The following FAM98B variants were observed in gnomAD, a reference collection of about 807,000 sequenced individuals.
The protein encoded by FAM98B is tRNA splicing ligase complex subunit 3B, also known as tRNA-splicing ligase complex subunit FAM98B.
A neutral mutation model predicts 43.9 loss-of-function variants in FAM98B; 32 were observed. The observed-to-expected ratio is 0.73, with a 90% CI of 0.55 to 0.98. The LOEUF is 0.98. Ranked by LOEUF, FAM98B falls within the 50% of genes least tolerant of loss-of-function variation. FAM98B has a pLI of 0.00. For missense variants in FAM98B, 514 were observed against 522.9 expected, an observed-to-expected ratio of 0.98 and a Z score of 0.17; for synonymous variants, 190 against 174.0, an observed-to-expected ratio of 1.09 and a Z score of -0.72.
At position 38,470,346 on chromosome 15, in the gene FAM98B, G is replaced by C. The variant is rs892699970; in HGVS notation, c.472G>C (p.Gly158Arg). ...QEVQAMFDTL[G>R]IPKSTTSDIP... Reference sequence around the variant, plus strand: ...AGTTCAAGCTATGTTTGATACACTTGGTATACCCAAGTCAACAACTTCTGA... The same window carrying C: ...AGTTCAAGCTATGTTTGATACACTTCGTATACCCAAGTCAACAACTTCTGA... The change falls in exon 4 of 8, where the codon GGT becomes CGT. Residue 158 changes from glycine (G) to arginine (R), a missense_variant. Transcript: ENST00000397609. The C allele has an allele frequency of 6.2e-6, 10 of 1,604,428 alleles. No individual in the cohort carries two copies. Among genetic ancestry groups the C allele is most frequent in the Non-Finnish European group, 8.5e-6 (10 of 1,177,356 alleles).
chr15:38,472,280 A>G lies in FAM98B; in HGVS notation c.532-1225A>G, dbSNP rs141848120. On this transcript the variant is annotated intron_variant, in intron 4 of 7. Coordinates refer to ENST00000397609, the MANE Select transcript of FAM98B (RefSeq NM_173611.4). Reference sequence around the variant, plus strand: ...AACTCATACTTTTTATAATGTATGAAAAAACCTAAAATTGGATATATTTAC... The same window carrying G: ...AACTCATACTTTTTATAATGTATGAGAAAACCTAAAATTGGATATATTTAC... Among the ~76,000 whole-genome samples, 676 of 152,252 alleles carry G rather than the reference A, an allele frequency of 4.4e-3. 3 individuals carry two copies. The highest frequency in any genetic ancestry group is 7.3e-3 in the Non-Finnish European group (494 of 67,954).
chr15:38,468,033 A>G (rs1273960827), intron 3 of FAM98B, among the ~76,000 whole-genome samples: 2 of 152,140 alleles, frequency 1.3e-5, no homozygotes, highest in Non-Finnish European at 2.9e-5. Flanking sequence ...GGGAAGGGGG[A>G]ATCTAAGGAT....
At chr15:38,479,404 TC>T (rs1398352461) in intron 6 of FAM98B, among the ~76,000 whole-genome samples, 1 of 152,178 alleles carries the variant, frequency 6.6e-6, no homozygotes, top group African/African-American at 2.4e-5. Flanking sequence ...TTCCCAATAT[TC>T]CCTACCTCCA....
At chr15:38,480,853 T>TA in intron 6 of FAM98B, among the ~76,000 whole-genome samples, 1 of 151,984 alleles carries the variant, frequency 6.6e-6, no homozygotes, top group East Asian at 1.9e-4. Flanking sequence ...AAAAACTATT[T>TA]ATATAGGATT....
At chr15:38,457,697 T>C (rs995880938) in intron 1 of FAM98B, among the ~76,000 whole-genome samples, 10 of 151,936 alleles carry the variant, frequency 6.6e-5, no homozygotes, top group Admixed American at 2.6e-4. Flanking sequence ...ATGGCAAGAA[T>C]AGAGGTGGAG....
At chr15:38,459,288 C>T (rs1162315389) in intron 1 of FAM98B, 1 of 496,348 alleles carries the variant, frequency 2.0e-6, no homozygotes, top group Admixed American at 2.0e-5. Flanking sequence ...AGACACGTCC[C>T]TGGGATCCGA....
rs2141054577 is a variant in FAM98B at position 38,465,313 on chromosome 15, T to C, written c.262T>C (p.Leu88=). The C allele has an allele frequency of 6.2e-7, 1 of 1,611,234 alleles. No individual in the cohort carries two copies. Among genetic ancestry groups the C allele is most frequent in the South Asian group, 1.1e-5 (1 of 90,342 alleles). ...CTTCCAGCTTGAGATAAGTGGCTTT[T>C]TAAAAGAAATGGCATGTCCATATTC... ...ESFQLEISGF[L]KEMACPYSVL... Residue 88 remains leucine (L), a synonymous_variant, in exon 3 of 8, where the codon TTA becomes CTA. Transcript: ENST00000397609.
chr15:38,484,238 A>C lies in FAM98B; in HGVS notation c.898-17A>C. On this transcript the variant is annotated splice_polypyrimidine_tract_variant and intron_variant, in intron 7 of 7. Transcript: ENST00000397609. Reference sequence around the variant, plus strand: ...TTTGAAATATTAGGAACTAAAAGAAAATGTTTCTTCACACAGGTGCTGATG... The same window carrying C: ...TTTGAAATATTAGGAACTAAAAGAACATGTTTCTTCACACAGGTGCTGATG... The C allele has an allele frequency of 1.9e-6, 3 of 1,544,960 alleles. No individual in the cohort carries two copies. Among genetic ancestry groups the C allele is most frequent in the African/African-American group, 2.8e-5 (2 of 72,268 alleles).
intron 6 of FAM98B, among the ~76,000 whole-genome samples, chr15:38,477,012 T>C (rs1428809285): frequency 6.6e-6 from 1 of 151,568 alleles, no homozygotes; most frequent in Non-Finnish European, 1.5e-5. Context: ...GCAGTTGGGG[T>C]TGGGGGGCAG....
chr15:38,477,084 G>A (rs1890211863), intron 6 of FAM98B, among the ~76,000 whole-genome samples: 1 of 151,670 alleles, frequency 6.6e-6, no homozygotes, highest in African/African-American at 2.4e-5. Context: ...GATTACTTGA[G>A]GCCAGGAGTT....
intron 3 of FAM98B, among the ~76,000 whole-genome samples, chr15:38,466,877 C>G (rs1566898345): frequency 6.6e-6 from 1 of 152,146 alleles, no homozygotes; most frequent in Non-Finnish European, 1.5e-5. Context: ...ACACAACACT[C>G]TCACACTCGC....
chr15:38,454,142 C>G lies in FAM98B; in HGVS notation c.-20C>G. On this transcript the variant is annotated 5_prime_UTR_variant, in exon 1 of 8. Coordinates refer to ENST00000397609, the MANE Select transcript of FAM98B (RefSeq NM_173611.4). ...CCGGCGGGCTACTTAGAGCGCCGAA[C>G]AGCTCTGGGCCAAAGGACCATGAGA... 1.3e-6 allele frequency: 2 copies of G among 1,586,220 alleles called. No homozygotes were observed. The highest frequency in any genetic ancestry group is 1.2e-5 in the South Asian group (1 of 86,418).
At chr15:38,459,253 T>G in intron 1 of FAM98B, 1 of 478,098 alleles carries the variant, frequency 2.1e-6, no homozygotes, top group East Asian at 5.6e-5. Flanking sequence ...GATCCTCCTT[T>G]GATCTTCCTC....
intron 6 of FAM98B, 136 bp downstream of exon 6, chr15:38,474,434 C>G (rs752884539): frequency 3.0e-5 from 17 of 566,044 alleles, no homozygotes; most frequent in Non-Finnish European, 3.2e-5. Flanking sequence ...AACTACTGGT[C>G]TTACAAGATG....
intron 1 of FAM98B, chr15:38,458,646 A>G (rs2141051013): frequency 5.3e-6 from 1 of 190,346 alleles, no homozygotes; most frequent in Admixed American, 5.5e-5. Context: ...TTCCAGGCCC[A>G]TGTGGTGAGG....
At chr15:38,481,911 C>G in intron 7 of FAM98B, 1 of 232,236 alleles carries the variant, frequency 4.3e-6, no homozygotes. Flanking sequence ...TACTGAACTT[C>G]TTTGAGCTTC....
At chr15:38,466,183 TGTGTG>T (rs1890028760) in intron 3 of FAM98B, among the ~76,000 whole-genome samples, 1 of 12,840 alleles carries the variant, frequency 7.8e-5, no homozygotes, top group South Asian at 6.0e-3. Context: ...AGATGAAATT[TGTGTG>T]TGTGTGTGTG....
At chr15:38,482,814 C>T (rs1243586552) in intron 7 of FAM98B, 1 of 152,186 alleles carries the variant, frequency 6.6e-6, no homozygotes, top group Non-Finnish European at 1.5e-5. Flanking sequence ...CTTTCCTCTG[C>T]TCATGGCATA....
At chr15:38,475,800 T>C (rs62002943) in intron 6 of FAM98B, among the ~76,000 whole-genome samples, 1,740 of 152,328 alleles carry the variant, frequency 0.011, 19 homozygotes, top group Non-Finnish European at 0.019. Flanking sequence ...GCTAGTCAAC[T>C]TACAAAGGGG....
Sources: gnomAD v4.1 joint callset for allele counts (sites outside exome capture counted in the v4.1 genomes callset) on GRCh38, gnomAD v4.1.1 for gene constraint, MANE v1.5 for transcripts, NCBI Gene and HGNC (gene_info 2026-07-23, HGNC 2026-07-21) for gene names.